The following LRRC7 variants were observed in gnomAD, a reference collection of about 807,000 sequenced individuals.
LRRC7 encodes leucine-rich repeat-containing protein 7.
In LRRC7, 23 loss-of-function variants were observed where a neutral mutation model predicts 175.7. That is an observed-to-expected ratio of 0.13 (90% CI 0.09 to 0.19). LRRC7 has a LOEUF of 0.19. Among genes scored for constraint, LRRC7 ranks in the 10% least tolerant of loss-of-function variants. LRRC7 has a pLI of 1.00. For missense variants in LRRC7, 1,354 were observed against 1,904.7 expected (o/e 0.71, Z 5.38); for synonymous variants, 685 against 680.9 (o/e 1.01, Z -0.09).
chr1:70,015,350 T>A (rs982740815), intron 13 of LRRC7, among the ~76,000 whole-genome samples: 8 of 152,126 alleles, frequency 5.3e-5, no homozygotes, highest in African/African-American at 1.9e-4. Flanking sequence ...TTAACTGCTT[T>A]CGCTCATAAA....
At chr1:69,978,014 G>T (rs1653003826) in intron 8 of LRRC7, among the ~76,000 whole-genome samples, 1 of 152,022 alleles carries the variant, frequency 6.6e-6, no homozygotes, top group Non-Finnish European at 1.5e-5. Flanking sequence ...TCCTTCATAA[G>T]CATAATGCAT....
chr1:69,706,961 C>T (rs1344575999), intron 2 of LRRC7, among the ~76,000 whole-genome samples: 1 of 151,752 alleles, frequency 6.6e-6, no homozygotes, highest in Non-Finnish European at 1.5e-5. Flanking sequence ...AGTCTAATGA[C>T]AAATACAGAA....
At chr1:69,720,270 T>C (rs977858523) in intron 2 of LRRC7, among the ~76,000 whole-genome samples, 1 of 151,638 alleles carries the variant, frequency 6.6e-6, no homozygotes, top group Non-Finnish European at 1.5e-5. Context: ...TTATTAGATA[T>C]GCATTCTTAT....
intron 2 of LRRC7, among the ~76,000 whole-genome samples, chr1:69,743,790 T>C (rs1668967784): frequency 6.6e-6 from 1 of 151,834 alleles, no homozygotes; most frequent in African/African-American, 2.4e-5. Flanking sequence ...AAAACAACAG[T>C]GGCTAAGAGT....
Position 70,039,327 on chromosome 1 carries a change from G to A in LRRC7, c.3503G>A (p.Arg1168Lys), listed in dbSNP as rs1271112593. Reference sequence around the variant, plus strand: ...GCCACAGAAATGGCCATGTTTAGAAGGGTCAATGAGCCTCATGAGCTGCCC... The same window carrying A: ...GCCACAGAAATGGCCATGTTTAGAAAGGTCAATGAGCCTCATGAGCTGCCC... ...VSATEMAMFR[R>K]VNEPHELPPT... The change falls in exon 21 of 27, where the codon AGG (arginine) becomes AAG (lysine). Residue 1168 changes from arginine (R) to lysine (K), a missense_variant. Physicochemically the swap from Arg to Lys is conservative, Grantham distance 26. Transcript: ENST00000651989. 1.2e-6 allele frequency: 2 copies of A among 1,614,028 alleles called. No homozygotes were observed. The highest frequency in any genetic ancestry group is 2.2e-5 in the South Asian group (2 of 91,084).
At chr1:69,878,276 G>GAAAAA (rs369453827) in intron 7 of LRRC7, among the ~76,000 whole-genome samples, 3 of 123,894 alleles carry the variant, frequency 2.4e-5, no homozygotes, top group African/African-American at 6.8e-5. Flanking sequence ...CCTTATCTTA[G>GAAAAA]AAAAAAAAAA....
chr1:69,652,280 C>T (rs1655958778), intron 1 of LRRC7, among the ~76,000 whole-genome samples: 1 of 152,050 alleles, frequency 6.6e-6, no homozygotes. Context: ...ACTAATATAT[C>T]AGTTCAGCAA....
intron 1 of LRRC7, among the ~76,000 whole-genome samples, chr1:69,666,781 A>G (rs892058503): frequency 5.3e-5 from 8 of 151,296 alleles, no homozygotes; most frequent in African/African-American, 9.7e-5. Context: ...TTGATATTTC[A>G]TATTGTTTTC....
At chr1:69,832,154 A>G (rs1326190983) in intron 5 of LRRC7, among the ~76,000 whole-genome samples, 1 of 152,206 alleles carries the variant, frequency 6.6e-6, no homozygotes, top group Non-Finnish European at 1.5e-5. Context: ...AGCTGTTTAC[A>G]GTATTTGGCC....
chr1:69,607,560 G>A (rs1256752615), intron 1 of LRRC7: 1 of 151,838 alleles, frequency 6.6e-6, no homozygotes, highest in Non-Finnish European at 1.5e-5. Flanking sequence ...TCATATTTAG[G>A]ATCAAAAATG....
intron 1 of LRRC7, among the ~76,000 whole-genome samples, chr1:69,586,671 ATCTT>A (rs1646415797): frequency 6.6e-6 from 1 of 152,198 alleles, no homozygotes; most frequent in East Asian, 1.9e-4. Flanking sequence ...AATGAAATAA[ATCTT>A]TCAGCTAAGT....
At chr1:69,918,301 C>G (rs1481010279) in intron 7 of LRRC7, among the ~76,000 whole-genome samples, 4 of 152,188 alleles carry the variant, frequency 2.6e-5, no homozygotes, top group Non-Finnish European at 2.9e-5. Context: ...AACTCCAGTG[C>G]CCACAGGGCG....
intron 7 of LRRC7, among the ~76,000 whole-genome samples, chr1:69,892,242 T>C (rs1645857883): frequency 6.6e-6 from 1 of 152,220 alleles, no homozygotes; most frequent in East Asian, 1.9e-4. Flanking sequence ...ATATATTTAG[T>C]GAATGAGGAG....
At chr1:69,901,200 C>A (rs2101668117) in intron 7 of LRRC7, among the ~76,000 whole-genome samples, 1 of 152,176 alleles carries the variant, frequency 6.6e-6, no homozygotes, top group East Asian at 1.9e-4. Context: ...GGGTTGCCAT[C>A]ATCCAAGAAG....
Position 70,136,420 on chromosome 1 carries a change from T to A in LRRC7, c.*14533T>A, listed in dbSNP as rs191105846. Among the ~76,000 whole-genome samples the A allele has an allele frequency of 1.2e-3, 190 of 152,264 alleles. No individual in the cohort carries two copies. The highest frequency in any genetic ancestry group is 2.4e-3 in the Admixed American group (37 of 15,286). On this transcript the variant is annotated 3_prime_UTR_variant, in exon 27 of 27. Transcript: ENST00000651989. The stretch of plus-strand genomic sequence containing the variant: ...GCCAATCTATATGTTTATCCTTTTT[T>A]AAAAAATTATTTAACTGTTAAAACA...
intron 7 of LRRC7, among the ~76,000 whole-genome samples, chr1:69,912,289 T>C (rs1435383586): frequency 1.3e-5 from 2 of 152,180 alleles, no homozygotes; most frequent in African/African-American, 4.8e-5. Context: ...TGCATATGTA[T>C]GTGTTAAAGG....
Position 70,136,101 on chromosome 1 carries a change from A to C in LRRC7, c.*14214A>C, listed in dbSNP as rs978916542. 6.7e-6 allele frequency among the ~76,000 whole-genome samples: 1 copy of C among 150,104 alleles called. No homozygotes were observed. Among genetic ancestry groups the C allele is most frequent in the South Asian group, 2.1e-4 (1 of 4,738 alleles). On this transcript the variant is annotated 3_prime_UTR_variant, in exon 27 of 27. Coordinates refer to ENST00000651989, the MANE Select transcript of LRRC7 (RefSeq NM_001370785.2). ...TGTGTGTGTGTGTGTGTGTGTGTCT[A>C]TATATCTTATCAGGCAATTTTTTTT...
At chr1:69,997,489 G>T (rs911952596) in intron 11 of LRRC7, among the ~76,000 whole-genome samples, 7 of 151,860 alleles carry the variant, frequency 4.6e-5, no homozygotes, top group South Asian at 2.1e-4. Flanking sequence ...AGTTTTCAAA[G>T]GGAATGCTTC....
At chr1:69,879,919 C>T (rs1487741103) in intron 7 of LRRC7, 3 of 152,192 alleles carry the variant, frequency 2.0e-5, no homozygotes, top group Non-Finnish European at 2.9e-5. Flanking sequence ...GGGACAAACC[C>T]GGAACCCTGA....
Sources: gnomAD v4.1 joint callset for allele counts (sites outside exome capture counted in the v4.1 genomes callset) on GRCh38, gnomAD v4.1.1 for gene constraint, MANE v1.5 for transcripts, NCBI Gene and HGNC (gene_info 2026-07-23, HGNC 2026-07-21) for gene names.